Variants in ANO2 observed in about 807,000 individuals in gnomAD.
ANO2 encodes the protein anoctamin-2.
In ANO2, 101 loss-of-function variants were observed where a neutral mutation model predicts 124.2. The observed-to-expected ratio is 0.81, with a 90% CI of 0.69 to 0.96. The LOEUF is 0.96. Ranked by LOEUF, ANO2 falls within the 40% of genes least tolerant of loss-of-function variation. ANO2 has a pLI of 0.00. For synonymous variants in ANO2, 486 were observed against 482.5 expected, an observed-to-expected ratio of 1.01 and a Z score of -0.09; for missense variants, 1,293 against 1,274.5, an observed-to-expected ratio of 1.01 and a Z score of -0.22.
intron 14 of ANO2, among the ~76,000 whole-genome samples, chr12:5,720,872 G>C (rs12580361): frequency 0.13 from 19,603 of 152,158 alleles, 1,572 homozygotes; most frequent in African/African-American, 0.23. Flanking sequence ...GTGAGCAGAG[G>C]AGAAGGTCTT....
At chr12:5,931,075 C>G (rs1468750942) in intron 1 of ANO2, among the ~76,000 whole-genome samples, 1 of 152,152 alleles carries the variant, frequency 6.6e-6, no homozygotes, top group African/African-American at 2.4e-5. Context: ...GGGCTCACAC[C>G]ACAGCTACTA....
chr12:5,873,613 G>A (rs776840522), intron 3 of ANO2, among the ~76,000 whole-genome samples: 55 of 152,240 alleles, frequency 3.6e-4, no homozygotes, highest in Non-Finnish European at 7.3e-4. Flanking sequence ...GGCTGAACTG[G>A]AGAGTCCTCT....
At chr12:5,694,293 G>C (rs77939142) in intron 14 of ANO2, among the ~76,000 whole-genome samples, 17,861 of 134,290 alleles carry the variant, frequency 0.13, 1,178 homozygotes, top group African/African-American at 0.18. Context: ...GAATAAAACA[G>C]ACACAAATAG....
intron 14 of ANO2, among the ~76,000 whole-genome samples, chr12:5,670,578 A>T (rs1221777541): frequency 2.0e-5 from 3 of 152,192 alleles, no homozygotes; most frequent in Non-Finnish European, 4.4e-5. Context: ...TCTATTGCCC[A>T]GGCTGGAGTA....
chr12:5,618,264 G>A (rs1002500608), intron 16 of ANO2, among the ~76,000 whole-genome samples: 5 of 152,122 alleles, frequency 3.3e-5, no homozygotes, highest in African/African-American at 7.2e-5. Context: ...ATCAGAGAAC[G>A]CCCATAGACA....
intron 23 of ANO2, among the ~76,000 whole-genome samples, chr12:5,568,830 T>A (rs1941936089): frequency 6.6e-6 from 1 of 152,198 alleles, no homozygotes; most frequent in South Asian, 2.1e-4. Context: ...TCTGTCCTCT[T>A]GCAAGTTACC....
At chr12:5,844,483 T>A (rs939270831) in intron 4 of ANO2, among the ~76,000 whole-genome samples, 7 of 152,206 alleles carry the variant, frequency 4.6e-5, no homozygotes, top group Admixed American at 2.0e-4. Flanking sequence ...AAGGTAACTG[T>A]CCTAAGGCCC....
intron 24 of ANO2, 59 bp downstream of exon 24, chr12:5,565,499 A>G (rs1376893744): frequency 1.4e-6 from 2 of 1,397,914 alleles, no homozygotes; most frequent in Non-Finnish European, 2.0e-6. Flanking sequence ...CAATGAGTGC[A>G]GTGTCCTTAC....
chr12:5,771,790 C>T (rs1429463147), intron 10 of ANO2, among the ~76,000 whole-genome samples: 1 of 152,124 alleles, frequency 6.6e-6, no homozygotes, highest in Non-Finnish European at 1.5e-5. Context: ...AAAAATAAAA[C>T]AGAATTCTTC....
At chr12:5,585,524 C>T (rs1943065972) in intron 20 of ANO2, among the ~76,000 whole-genome samples, 1 of 152,226 alleles carries the variant, frequency 6.6e-6, no homozygotes, top group Non-Finnish European at 1.5e-5. Flanking sequence ...CGTCCCACAT[C>T]AAAGCTAGGG....
intron 12 of ANO2, among the ~76,000 whole-genome samples, chr12:5,743,826 C>T (rs1455125214): frequency 1.3e-5 from 2 of 152,110 alleles, no homozygotes; most frequent in East Asian, 3.9e-4. Context: ...TACAATCTTA[C>T]CTAAGTCAGT....
chr12:5,616,883 C>G (rs1194746571), intron 16 of ANO2, among the ~76,000 whole-genome samples: 2 of 151,674 alleles, frequency 1.3e-5, no homozygotes, highest in Non-Finnish European at 2.9e-5. Flanking sequence ...CCAGACCACA[C>G]AGTACCACAA....
At chr12:5,649,248 C>T (rs556319491) in intron 14 of ANO2, among the ~76,000 whole-genome samples, 2 of 152,284 alleles carry the variant, frequency 1.3e-5, no homozygotes, top group East Asian at 1.9e-4. Context: ...GTCGAGTTGG[C>T]TTACTAAATT....
chr12:5,816,350 T>C (rs910078798), intron 7 of ANO2, among the ~76,000 whole-genome samples: 23 of 151,666 alleles, frequency 1.5e-4, no homozygotes, highest in Non-Finnish European at 3.2e-4. Flanking sequence ...CTAAATAAGA[T>C]TGGTAAGTTC....
intron 3 of ANO2, among the ~76,000 whole-genome samples, chr12:5,914,405 G>A (rs930683724): frequency 6.6e-6 from 1 of 152,110 alleles, no homozygotes; most frequent in African/African-American, 2.4e-5. Flanking sequence ...GACATCTCAT[G>A]GCATAGGAGG....
chr12:5,740,443 C>T lies in ANO2; in HGVS notation c.1352-1044G>A, dbSNP rs560434588. 12 of 166,844 alleles carry T rather than the reference C, an allele frequency of 7.2e-5. No homozygotes were observed. The South Asian group carries it at 1.7e-3, about 24-fold the overall frequency. 10.3% of individuals were successfully genotyped at this position (166,844 alleles called of 1,614,324 possible). ...TCTAATCCTGCAAAAGCACCAGTCC[C>T]AACTAAGGTATCTGCAATGTACAAA... On this transcript the variant is annotated intron_variant, in intron 12 of 24. Coordinates refer to ENST00000682330, the MANE Select transcript of ANO2 (RefSeq NM_001364791.2).
At chr12:5,795,734 G>T (rs1952825616) in intron 10 of ANO2, among the ~76,000 whole-genome samples, 1 of 152,114 alleles carries the variant, frequency 6.6e-6, no homozygotes, top group African/African-American at 2.4e-5. Context: ...AATCAGCCTG[G>T]GAGCAGATAT....
At position 5,923,160 on chromosome 12, in the gene ANO2, G is replaced by C. The variant is rs56894042; in HGVS notation, c.23-356C>G. On this transcript the variant is annotated intron_variant, in intron 1 of 24. Transcript: ENST00000682330. ...CACACACATGCACACATACACACAC[G>C]CATACACACACACGCACACACACAT... Among the ~76,000 whole-genome samples the C allele has an allele frequency of 3.7e-4, 9 of 24,600 alleles. 1 individual carries two copies. Among genetic ancestry groups the C allele is most frequent in the South Asian group, 2.1e-3 (1 of 474 alleles). 16.1% of individuals were successfully genotyped at this position (24,600 alleles called of 152,430 possible).
Position 5,578,445 on chromosome 12 carries a change from G to A in ANO2, c.2307C>T (p.Asn769=), listed in dbSNP as rs377226128. Reference sequence around the variant, plus strand: ...TTGCATCGAGCCGCACTTCAATGACGTTGTTGAGGAGGGCAAACACAGGTG... The same window carrying A: ...TTGCATCGAGCCGCACTTCAATGACATTGTTGAGGAGGGCAAACACAGGTG... The part of the protein sequence containing the change: ...PLAPVFALLN[N]VIEVRLDAKK... The change falls in exon 21 of 25, where the codon AAC becomes AAT. Residue 769 remains asparagine (N), a synonymous_variant. Coordinates refer to ENST00000682330, the MANE Select transcript of ANO2 (RefSeq NM_001364791.2). 57 of 1,613,994 alleles carry A rather than the reference G, an allele frequency of 3.5e-5. No homozygotes were observed. In the African/African-American group the frequency reaches 5.3e-4, roughly 15 times the overall value.
Sources: gnomAD v4.1 joint callset for allele counts (sites outside exome capture counted in the v4.1 genomes callset) on GRCh38, gnomAD v4.1.1 for gene constraint, MANE v1.5 for transcripts, NCBI Gene and HGNC (gene_info 2026-07-23, HGNC 2026-07-21) for gene names.